The following TSPAN15 variants were observed in gnomAD, a reference collection of about 807,000 sequenced individuals.
TSPAN15 encodes the protein tetraspanin-15.
A neutral mutation model predicts 34.5 loss-of-function variants in TSPAN15; 20 were observed. That is an observed-to-expected ratio of 0.58 (90% CI 0.41 to 0.84). The LOEUF (loss-of-function observed/expected upper bound fraction) is 0.84. TSPAN15 is among the 40% of genes least tolerant of loss of function. TSPAN15 has a pLI of 0.00. For synonymous variants in TSPAN15, 155 were observed against 153.9 expected (o/e 1.01, Z -0.05); for missense variants, 313 against 386.1 (o/e 0.81, Z 1.59).
chr10:69,539,476 G>GA, the TSPAN15 span, among the ~76,000 whole-genome samples: 84 of 62,558 alleles, frequency 1.3e-3, 5 homozygotes, highest in East Asian at 4.2e-3. Flanking sequence ...GAAGGAGAAG[G>GA]AGAAGGAGAA....
chr10:69,487,627 G>A (rs1841881984), intron 3 of TSPAN15, among the ~76,000 whole-genome samples: 1 of 152,206 alleles, frequency 6.6e-6, no homozygotes, highest in African/African-American at 2.4e-5. Flanking sequence ...CTCCAATGAT[G>A]GGCAGCAGTT....
chr10:69,545,511 C>T, the TSPAN15 span, among the ~76,000 whole-genome samples: 26,265 of 152,116 alleles, frequency 0.17, 2,642 homozygotes, highest in Non-Finnish European at 0.22. Context: ...TCTGCACAGT[C>T]GGAGGCAGTC....
At chr10:69,460,430 A>G (rs55920214) in intron 1 of TSPAN15, among the ~76,000 whole-genome samples, 60,642 of 151,958 alleles carry the variant, frequency 0.4, 12,608 homozygotes, top group Non-Finnish European at 0.45. Flanking sequence ...TAGACTTACG[A>G]TGTCACCTTC....
chr10:69,463,837 G>A (rs1231124260), intron 1 of TSPAN15, among the ~76,000 whole-genome samples: 1 of 151,606 alleles, frequency 6.6e-6, no homozygotes, highest in African/African-American at 2.4e-5. Context: ...ATGAAGGTAT[G>A]TATGTTTAGG....
chr10:69,455,351 G>T (rs137936874), intron 1 of TSPAN15, among the ~76,000 whole-genome samples: 2,206 of 152,212 alleles, frequency 0.014, 32 homozygotes, highest in Non-Finnish European at 0.021. Flanking sequence ...ACAGAACTAC[G>T]TATGTAGCCC....
chr10:69,534,247 A>G, the TSPAN15 span, among the ~76,000 whole-genome samples: 1 of 152,228 alleles, frequency 6.6e-6, no homozygotes, highest in Non-Finnish European at 1.5e-5. Context: ...AAAAGCAGAG[A>G]CAAACTGTTA....
chr10:69,519,966 A>G, the TSPAN15 span, among the ~76,000 whole-genome samples: 1 of 152,202 alleles, frequency 6.6e-6, no homozygotes, highest in Admixed American at 6.5e-5. Flanking sequence ...TCCCGAACTC[A>G]GGTGATCTGC....
At chr10:69,517,517 C>T in the TSPAN15 span, among the ~76,000 whole-genome samples, 1 of 152,198 alleles carries the variant, frequency 6.6e-6, no homozygotes, top group Non-Finnish European at 1.5e-5. Flanking sequence ...TCATCTGGGC[C>T]TTGCTGGCAG....
the TSPAN15 span, among the ~76,000 whole-genome samples, chr10:69,539,470 GAGAAGGAGAAGGAGAAGA>G: frequency 1.0e-4 from 6 of 59,140 alleles, no homozygotes; most frequent in African/African-American, 4.2e-4. Flanking sequence ...GAAGGAGAAG[GAGAAGGAGAAGGAGAAGA>G]AGAAGAAGAA....
At chr10:69,527,730 A>G in the TSPAN15 span, among the ~76,000 whole-genome samples, 2 of 147,826 alleles carry the variant, frequency 1.4e-5, no homozygotes, top group African/African-American at 4.9e-5. Context: ...AAATAAGCCA[A>G]TTGCAAAAGA....
the TSPAN15 span, among the ~76,000 whole-genome samples, chr10:69,530,221 G>T: frequency 7.6e-4 from 113 of 147,716 alleles, 10 homozygotes; most frequent in African/African-American, 2.6e-3. Context: ...ATCTGCTTCT[G>T]CCCTGTTCCA....
At chr10:69,490,916 G>A (rs1841955243) in intron 3 of TSPAN15, among the ~76,000 whole-genome samples, 1 of 152,208 alleles carries the variant, frequency 6.6e-6, no homozygotes, top group Non-Finnish European at 1.5e-5. Flanking sequence ...CGTGGATGTG[G>A]AGGGCCGGCT....
chr10:69,468,718 C>T (rs1034371950), intron 1 of TSPAN15, among the ~76,000 whole-genome samples: 2 of 151,744 alleles, frequency 1.3e-5, no homozygotes, highest in Non-Finnish European at 1.5e-5. Context: ...CCCCAGCATT[C>T]GCCTTCCCAG....
At chr10:69,520,535 A>C in the TSPAN15 span, among the ~76,000 whole-genome samples, 55 of 152,350 alleles carry the variant, frequency 3.6e-4, no homozygotes, top group African/African-American at 1.3e-3. Flanking sequence ...ATATGCCTGT[A>C]GTCCTAGCTA....
rs568343149 is a variant in TSPAN15 at position 69,480,452 on chromosome 10, C to T, written c.97-3239C>T. Among the ~76,000 whole-genome samples the T allele has an allele frequency of 7.9e-5, 12 of 152,284 alleles. No individual in the cohort carries two copies. In the East Asian group the frequency reaches 2.1e-3, roughly 27 times the overall value. On this transcript the variant is annotated intron_variant, in intron 1 of 7. Coordinates refer to ENST00000373290, the MANE Select transcript of TSPAN15 (RefSeq NM_012339.5). The stretch of plus-strand genomic sequence containing the variant: ...ACGACAGGGTGAGAATTACGCTTTT[C>T]ATCAAAATGGAAGATAAAACCCTAC...
chr10:69,506,370 T>C lies in TSPAN15; in HGVS notation c.735+130T>C. 3.5e-6 allele frequency: 3 copies of C among 845,254 alleles called. No homozygotes were observed. Among genetic ancestry groups the C allele is most frequent in the Non-Finnish European group, 5.6e-6 (3 of 535,842 alleles). The allele number at this position is 845,254 out of a possible 1,614,324, so 52.4% of individuals were successfully genotyped here. A position where few individuals can be genotyped will look rare whatever the true frequency, so the allele number is the denominator to read the frequency against. On this transcript the variant is annotated intron_variant, in intron 7 of 7. Transcript: ENST00000373290. This position sits in a 1 kb window ranked among gnomAD's most constrained non-coding sequence, Gnocchi z 4.7. The stretch of plus-strand genomic sequence containing the variant: ...ACTTGCCTGGGGAGGGCTGCATGGC[T>C]GGAAGGAGGGGCAAATGGCAATAGC...
Position 69,475,154 on chromosome 10 carries a change from T to C in TSPAN15, c.97-8537T>C, listed in dbSNP as rs539683119. On this transcript the variant is annotated intron_variant, in intron 1 of 7. Transcript: ENST00000373290. ...GGGGGAGGAGGGTGTTGGGTGGAGA[T>C]GAAGTTGCTCTTGACTCTCCTTCCC... Among the ~76,000 whole-genome samples the C allele has an allele frequency of 2.0e-5, 3 of 152,202 alleles. No individual in the cohort carries two copies. The East Asian group carries it at 5.8e-4, about 29-fold the overall frequency.
downstream of TSPAN15, among the ~76,000 whole-genome samples, chr10:69,508,514 T>C (rs191023719): frequency 2.1e-5 from 3 of 145,820 alleles, no homozygotes; most frequent in East Asian, 4.3e-4. Context: ...TGAAGGATTC[T>C]AACGGTGGGA....
At chr10:69,517,974 T>C in the TSPAN15 span, among the ~76,000 whole-genome samples, 3 of 152,324 alleles carry the variant, frequency 2.0e-5, no homozygotes, top group East Asian at 5.8e-4. Context: ...CCAAGACACA[T>C]AGTAGGTGCT....
Sources: allele counts gnomAD v4.1 joint callset (sites outside exome capture counted in the v4.1 genomes callset), GRCh38; gene constraint gnomAD v4.1.1; non-coding constraint Gnocchi (gnomAD v3.1); transcripts MANE v1.5; gene names NCBI Gene and HGNC (gene_info 2026-07-23, HGNC 2026-07-21).